The following ALS2 variants were observed in gnomAD, a reference collection of about 807,000 sequenced individuals.
ALS2 encodes alsin.
Under a neutral mutation model 203.4 loss-of-function variants are expected in ALS2, and 117 were observed. That is an observed-to-expected ratio of 0.58 (90% CI 0.50 to 0.67). ALS2 has a LOEUF of 0.67. Ranked by LOEUF, ALS2 falls within the 30% of genes least tolerant of loss-of-function variation. ALS2 has a pLI of 0.00. For missense variants in ALS2, 1,715 were observed against 1,989.4 expected, an observed-to-expected ratio of 0.86 and a Z score of 2.62; for synonymous variants, 718 against 725.9, an observed-to-expected ratio of 0.99 and a Z score of 0.17.
chr2:201,765,202 T>C (rs1159622526), intron 3 of ALS2, among the ~76,000 whole-genome samples: 2 of 152,098 alleles, frequency 1.3e-5, no homozygotes, highest in African/African-American at 4.8e-5. Flanking sequence ...GGTCTCCCTA[T>C]GTTGCCCAGG....
chr2:201,718,449 C>T (rs368130254), intron 23 of ALS2, among the ~76,000 whole-genome samples: 20 of 152,038 alleles, frequency 1.3e-4, no homozygotes, highest in East Asian at 1.2e-3. Context: ...TCAGTAGAGA[C>T]GGGGTTTCAC....
rs1160439812 is a variant in ALS2, at chr2:201,715,670, A to G, written c.4004+2T>C. On this transcript the variant is annotated splice_donor_variant, in intron 25 of 33. Coordinates refer to ENST00000264276, the MANE Select transcript of ALS2 (RefSeq NM_020919.4). LOFTEE classifies it high-confidence loss of function. Reference sequence around the variant, plus strand: ...CTGTATGTTGAGCAGGTGTTCACTCACCTGTCTCTGTGCTGGCGCCGACTG... The same window carrying G: ...CTGTATGTTGAGCAGGTGTTCACTCGCCTGTCTCTGTGCTGGCGCCGACTG... The G allele has an allele frequency of 1.9e-6, 3 of 1,613,858 alleles. No homozygotes were observed. The South Asian group carries it at 3.3e-5, about 18-fold the overall frequency.
Position 201,723,441 on chromosome 2 carries a change from C to G in ALS2, c.3513G>C (p.Arg1171Ser), listed in dbSNP as rs780811078. ...AGYGVFDDIT[R>S]GEKYMGMWQD... ...GCCACATTCCCATATACTTTTCCCC[C>G]CTGCACAGAAATAAAAAGAAAAGAA... Residue 1171 changes from arginine (R) to serine (S), a missense_variant and splice_region_variant, in exon 22 of 34, where the codon AGG becomes AGC. By Grantham distance (110) the Arg-to-Ser change is moderately radical (BLOSUM62 -1). This residue lies in a region of ALS2 where 1,227 missense variants were observed against 1,413.5 expected (regional missense o/e 0.87). Transcript: ENST00000264276. 6.2e-6 allele frequency: 10 copies of G among 1,610,224 alleles called. No individual in the cohort carries two copies. The highest frequency in any genetic ancestry group is 1.1e-5 in the South Asian group (1 of 90,972).
At chr2:201,710,467 T>C (rs778697535) in intron 26 of ALS2, among the ~76,000 whole-genome samples, 7 of 151,456 alleles carry the variant, frequency 4.6e-5, no homozygotes, top group Non-Finnish European at 7.4e-5. Flanking sequence ...TTTAAAAAGA[T>C]TCAAATATAC....
intron 23 of ALS2, among the ~76,000 whole-genome samples, chr2:201,719,545 T>C (rs1347435871): frequency 6.6e-6 from 1 of 151,998 alleles, no homozygotes; most frequent in Non-Finnish European, 1.5e-5. Context: ...GCTGACATCA[T>C]GCCACTGCAC....
At chr2:201,728,219 G>A (rs915593609) in intron 15 of ALS2, among the ~76,000 whole-genome samples, 12 of 152,054 alleles carry the variant, frequency 7.9e-5, no homozygotes, top group Non-Finnish European at 1.8e-4. Context: ...TACATTAGGT[G>A]TATCTCCTAA....
chr2:201,724,354 G>A lies in ALS2; in HGVS notation c.3453C>T (p.Phe1151=), dbSNP rs1574700469. 3 of 1,613,956 alleles carry A rather than the reference G, an allele frequency of 1.9e-6. No individual in the cohort carries two copies. The highest frequency in any genetic ancestry group is 2.5e-6 in the Non-Finnish European group (3 of 1,179,892). ...TCTTATCCATTACCCACTGGCCAAT[G>A]AACATACTAGGAGAAGAGGACGTCA... ...GKLTSSSPSM[F]IGQWVMDKKA... The change falls in exon 21 of 34, where the codon TTC becomes TTT. Residue 1151 remains phenylalanine, a synonymous_variant. Coordinates refer to ENST00000264276, the MANE Select transcript of ALS2 (RefSeq NM_020919.4).
intron 12 of ALS2, among the ~76,000 whole-genome samples, chr2:201,737,543 A>C (rs1190446078): frequency 3.3e-5 from 5 of 152,222 alleles, no homozygotes; most frequent in African/African-American, 1.2e-4. Flanking sequence ...AATCATTTTT[A>C]ATGGTGAAAT....
At chr2:201,759,556 A>C (rs1693631121) in intron 4 of ALS2, 1 of 982,854 alleles carries the variant, frequency 1.0e-6, no homozygotes, top group East Asian at 1.1e-4. Context: ...AAATGTGATA[A>C]GCATGTACAG....
At chr2:201,722,996 G>A in intron 23 of ALS2, 47 bp downstream of exon 23, 8 of 1,425,002 alleles carry the variant, frequency 5.6e-6, no homozygotes, top group Non-Finnish European at 7.8e-6. Flanking sequence ...AAAAAAATTA[G>A]TAAAAGAATT....
chr2:201,733,749 T>C (rs1246014979), intron 12 of ALS2, among the ~76,000 whole-genome samples: 1 of 152,140 alleles, frequency 6.6e-6, no homozygotes, highest in Non-Finnish European at 1.5e-5. Flanking sequence ...GCTGACACCA[T>C]TACCTGTTAA....
Position 201,720,195 on chromosome 2 carries a change from A to T in ALS2, c.3703-1985T>A. ...CTACAGACCATTACCTCTCATAAAT[A>T]TGAATGCAAAAATCCTCAACAAAAT... On this transcript the variant is annotated intron_variant, in intron 23 of 33. Transcript: ENST00000264276. The T allele has an allele frequency of 5.2e-6, 2 of 386,702 alleles. 1 individual carries two copies. The highest frequency in any genetic ancestry group is 3.7e-5 in the South Asian group (2 of 54,134). 24.0% of individuals were successfully genotyped at this position (386,702 alleles called of 1,614,324 possible). A position where few individuals can be genotyped will look rare whatever the true frequency, so the allele number is the denominator to read the frequency against.
intron 11 of ALS2, 85 bp from the exon 12 acceptor site, chr2:201,738,820 T>C: frequency 8.7e-7 from 1 of 1,147,266 alleles, no homozygotes; most frequent in South Asian, 1.3e-5. Flanking sequence ...GAATAGATAA[T>C]TCTTGATTAT....
rs1330200086 is a variant in ALS2 at position 201,729,160 on chromosome 2, C to T, written c.2604G>A (p.Leu868=). The change falls in exon 14 of 34, where the codon CTG becomes CTA. Residue 868 remains leucine, a synonymous_variant. Coordinates refer to ENST00000264276, the MANE Select transcript of ALS2 (RefSeq NM_020919.4). ...FEVASPEYQK[L]QDSSSCYECL... ...ACTCATAACAAGAACTGGAATCCTG[C>T]AGTTTCTGATATTCTGGAGATGCCT... The T allele has an allele frequency of 1.2e-6, 2 of 1,612,518 alleles. No individual in the cohort carries two copies. Among genetic ancestry groups the T allele is most frequent in the Non-Finnish European group, 1.7e-6 (2 of 1,179,778 alleles).
At chr2:201,744,151 T>C in intron 10 of ALS2, 107 bp downstream of exon 10, 5 of 1,251,692 alleles carry the variant, frequency 4.0e-6, no homozygotes, top group South Asian at 1.2e-5. Flanking sequence ...AGACAGTGCA[T>C]AGCAAGAAGT....
At chr2:201,717,336 T>C (rs1690467543) in intron 24 of ALS2, among the ~76,000 whole-genome samples, 2 of 151,776 alleles carry the variant, frequency 1.3e-5, no homozygotes, top group South Asian at 4.2e-4. Context: ...CATGGTTGTG[T>C]GCACCTACAG....
chr2:201,724,825 A>G (rs527589545), intron 20 of ALS2, among the ~76,000 whole-genome samples: 2 of 152,264 alleles, frequency 1.3e-5, no homozygotes, highest in South Asian at 4.1e-4. Flanking sequence ...AGGTATATAA[A>G]ATTTAGGGCT....
intron 6 of ALS2, 96 bp downstream of exon 6, chr2:201,754,407 A>G: frequency 6.9e-7 from 1 of 1,450,772 alleles, no homozygotes; most frequent in Non-Finnish European, 9.7e-7. Context: ...AAGAGCCCAG[A>G]TTTCCTCTAT....
At chr2:201,712,753 GAAA>G (rs372321027) in intron 25 of ALS2, among the ~76,000 whole-genome samples, 3 of 90,768 alleles carry the variant, frequency 3.3e-5, no homozygotes, top group South Asian at 5.5e-4. Context: ...CAGGAGAAAA[GAAA>G]AAAAAAAAGA....
Sources: gnomAD v4.1 joint callset for allele counts (sites outside exome capture counted in the v4.1 genomes callset) on GRCh38, gnomAD v4.1.1 for gene constraint, gnomAD v4.1.1 regional missense constraint, MANE v1.5 for transcripts, NCBI Gene and HGNC (gene_info 2026-07-23, HGNC 2026-07-21) for gene names.